CCL28: variants seen among roughly 807,000 people sequenced by gnomAD.
CCL28 encodes C-C motif chemokine 28.
CCL28 carries 4 observed loss-of-function variants against 7.1 expected under a neutral mutation model. That is an observed-to-expected ratio of 0.56 (90% confidence interval 0.28 to 1.29). The LOEUF is 1.29. Ranked by LOEUF, CCL28 falls within the 50% of genes most tolerant of loss-of-function variation. CCL28 has a pLI of 0.11. For missense variants in CCL28, 151 were observed against 163.4 expected (o/e 0.92, Z 0.41); for synonymous variants, 55 against 57.8 (o/e 0.95, Z 0.22).
chr5:43,392,755 A>G (rs936588288), intron 1 of CCL28, among the ~76,000 whole-genome samples: 1 of 152,004 alleles, frequency 6.6e-6, no homozygotes, highest in Non-Finnish European at 1.5e-5. Context: ...AATCATTCAC[A>G]TTTTCTCTTT....
intron 1 of CCL28, among the ~76,000 whole-genome samples, chr5:43,398,069 A>G (rs570394536): frequency 3.6e-4 from 55 of 152,350 alleles, no homozygotes; most frequent in Non-Finnish European, 6.5e-4. Flanking sequence ...TACTAATTCA[A>G]GTGATTGTCA....
intron 1 of CCL28, among the ~76,000 whole-genome samples, chr5:43,394,569 C>G (rs1262597517): frequency 6.6e-6 from 1 of 152,088 alleles, no homozygotes; most frequent in East Asian, 1.9e-4. Context: ...TGTGAATGAA[C>G]TCTTTAAAAA....
Position 43,410,388 on chromosome 5 carries a change from G to C in CCL28, c.64+1865C>G, listed in dbSNP as rs148535325. ...CAGTATCACTTATTTTTAAATGACA[G>C]AAGTTTGGAGCTTCTCAGGCAATGT... On this transcript the variant is annotated intron_variant, in intron 1 of 2. Transcript: ENST00000361115. 3.8e-3 allele frequency among the ~76,000 whole-genome samples: 578 copies of C among 152,324 alleles called. 6 individuals carry two copies. The highest frequency in any genetic ancestry group is 0.012 in the African/African-American group (519 of 41,582).
the CCL28 span, among the ~76,000 whole-genome samples, chr5:43,364,968 C>A: frequency 6.7e-6 from 1 of 148,710 alleles, no homozygotes; most frequent in Non-Finnish European, 1.5e-5. Flanking sequence ...ATGTGAGATG[C>A]GTCTCCTGCA....
intron 1 of CCL28, among the ~76,000 whole-genome samples, chr5:43,405,904 G>A (rs1030989885): frequency 3.3e-5 from 5 of 152,132 alleles, no homozygotes; most frequent in African/African-American, 1.2e-4. Context: ...TAGAAGAAAT[G>A]GATAAATTCC....
At chr5:43,364,296 A>G in the CCL28 span, among the ~76,000 whole-genome samples, 87 of 118,234 alleles carry the variant, frequency 7.4e-4, no homozygotes, top group African/African-American at 2.6e-3. Flanking sequence ...CACAAAAGCA[A>G]AACTATATAT....
At chr5:43,388,873 C>A (rs905810774) in intron 1 of CCL28, among the ~76,000 whole-genome samples, 1 of 152,134 alleles carries the variant, frequency 6.6e-6, no homozygotes, top group African/African-American at 2.4e-5. Flanking sequence ...GCTCTGCATT[C>A]AAAGTTGAAA....
chr5:43,365,721 C>T, the CCL28 span, among the ~76,000 whole-genome samples: 21 of 152,154 alleles, frequency 1.4e-4, no homozygotes, highest in Non-Finnish European at 2.1e-4. Flanking sequence ...CTAGGTTGGG[C>T]TAGTTCTCCT....
At chr5:43,362,249 A>G in the CCL28 span, among the ~76,000 whole-genome samples, 2 of 151,948 alleles carry the variant, frequency 1.3e-5, no homozygotes, top group Non-Finnish European at 2.9e-5. Flanking sequence ...TTTTTGTGGC[A>G]GTTATGAATG....
At chr5:43,367,255 G>A in the CCL28 span, among the ~76,000 whole-genome samples, 1 of 152,162 alleles carries the variant, frequency 6.6e-6, no homozygotes, top group African/African-American at 2.4e-5. Flanking sequence ...CTCTCTCACT[G>A]GTATTCCAGG....
intron 1 of CCL28, among the ~76,000 whole-genome samples, chr5:43,395,615 T>C (rs1163642671): frequency 2.0e-5 from 3 of 152,070 alleles, no homozygotes; most frequent in Non-Finnish European, 2.9e-5. Context: ...GATCCTGCCA[T>C]TGCGTTACAG....
the CCL28 span, among the ~76,000 whole-genome samples, chr5:43,369,393 A>G: frequency 1.3e-5 from 2 of 152,190 alleles, no homozygotes; most frequent in South Asian, 4.1e-4. Flanking sequence ...GTTTCCTGAT[A>G]TGTATGTTAT....
intron 1 of CCL28, among the ~76,000 whole-genome samples, chr5:43,393,754 C>T (rs1373952033): frequency 6.6e-6 from 1 of 152,204 alleles, no homozygotes; most frequent in African/African-American, 2.4e-5. Context: ...TAAGCCCACT[C>T]TTCAGTTTTT....
rs182902766 is a variant in CCL28, at chr5:43,392,247, G to C, written c.65-3771C>G. Among the ~76,000 whole-genome samples, 338 of 152,260 alleles carry C rather than the reference G, an allele frequency of 2.2e-3. 3 individuals are homozygous for C. Among genetic ancestry groups the C allele is most frequent in the African/African-American group, 7.7e-3 (318 of 41,544 alleles). On this transcript the variant is annotated intron_variant, in intron 1 of 2. Transcript: ENST00000361115. ...TTCTCCTGCCTCAGCTGCCCATGTA[G>C]CTGGAATTAAAGGTGTGTGCCAACA...
At chr5:43,401,009 G>C (rs901817877) in intron 1 of CCL28, among the ~76,000 whole-genome samples, 5 of 151,792 alleles carry the variant, frequency 3.3e-5, no homozygotes, top group Non-Finnish European at 2.9e-5. Context: ...CTTGAACCTG[G>C]GAGGCAGAGG....
chr5:43,408,139 G>C (rs896186318), intron 1 of CCL28, among the ~76,000 whole-genome samples: 5 of 152,170 alleles, frequency 3.3e-5, no homozygotes, highest in African/African-American at 1.2e-4. Flanking sequence ...CCATTACTGG[G>C]CATTTACCCA....
intron 1 of CCL28, 80 bp downstream of exon 1, chr5:43,412,173 C>T: frequency 9.3e-7 from 1 of 1,077,526 alleles, no homozygotes; most frequent in Non-Finnish European, 1.3e-6. Context: ...TATTCTTGCC[C>T]CACCTCAATC....
intron 1 of CCL28, among the ~76,000 whole-genome samples, chr5:43,401,970 A>G (rs1206333234): frequency 6.6e-6 from 1 of 152,202 alleles, no homozygotes; most frequent in Non-Finnish European, 1.5e-5. Flanking sequence ...CAGCTTCTGC[A>G]GTGCTTTAGC....
Position 43,388,752 on chromosome 5 carries a change from T to A in CCL28, c.65-276A>T, listed in dbSNP as rs1261111034. Among the ~76,000 whole-genome samples, 3 of 152,190 alleles carry A rather than the reference T, an allele frequency of 2.0e-5. No individual in the cohort carries two copies. The South Asian group carries it at 6.2e-4, about 31-fold the overall frequency. On this transcript the variant is annotated intron_variant, in intron 1 of 2. Coordinates refer to ENST00000361115, the MANE Select transcript of CCL28 (RefSeq NM_148672.3). ...GGATTCTGGTGGTACTGCAGACTGA[T>A]CAAAGATGAAAGGAGTGAGGTCAAC...
Sources: allele counts gnomAD v4.1 joint callset (sites outside exome capture counted in the v4.1 genomes callset), GRCh38; gene constraint gnomAD v4.1.1; transcripts MANE v1.5; gene names NCBI Gene and HGNC (gene_info 2026-07-23, HGNC 2026-07-21).